The following SGSM1 variants were observed in gnomAD, a reference collection of about 807,000 sequenced individuals.
SGSM1 encodes small G protein signaling modulator 1.
Under a neutral mutation model 133.8 loss-of-function variants are expected in SGSM1, and 73 were observed. That is an observed-to-expected ratio of 0.55 (90% CI 0.45 to 0.66). The LOEUF is 0.66. Among genes scored for constraint, SGSM1 ranks in the 30% least tolerant of loss-of-function variants. The pLI is 0.00. For synonymous variants in SGSM1, 563 were observed against 573.0 expected, an observed-to-expected ratio of 0.98 and a Z score of 0.25; for missense variants, 1,213 against 1,448.1, an observed-to-expected ratio of 0.84 and a Z score of 2.64.
At chr22:24,849,994 G>T (rs575453389) in intron 4 of SGSM1, among the ~76,000 whole-genome samples, 1 of 152,292 alleles carries the variant, frequency 6.6e-6, no homozygotes, top group South Asian at 2.1e-4. Flanking sequence ...TATACTCCAA[G>T]ACTCTTCTTG....
intron 22 of SGSM1, among the ~76,000 whole-genome samples, chr22:24,913,190 G>C (rs1305224148): frequency 2.0e-5 from 3 of 151,684 alleles, no homozygotes; most frequent in African/African-American, 7.3e-5. Context: ...CTACTCTGGA[G>C]GCTGAGGCAG....
At chr22:24,878,383 C>T (rs9917615) in intron 13 of SGSM1, among the ~76,000 whole-genome samples, 12,562 of 152,142 alleles carry the variant, frequency 0.083, 1,142 homozygotes, top group African/African-American at 0.23. Context: ...AAGTCTACAG[C>T]GGGAAAGCTG....
intron 19 of SGSM1, 150 bp downstream of exon 19, chr22:24,898,709 A>G: frequency 1.3e-6 from 1 of 760,458 alleles, no homozygotes; most frequent in South Asian, 2.0e-5. Flanking sequence ...GTAGAAACCC[A>G]TTTGGGAGAG....
At chr22:24,822,323 A>G (rs1234334146) in intron 2 of SGSM1, among the ~76,000 whole-genome samples, 3 of 151,392 alleles carry the variant, frequency 2.0e-5, no homozygotes, top group Non-Finnish European at 4.4e-5. Context: ...CGATCTCCTG[A>G]CCTCCTGATC....
At chr22:24,808,922 C>A (rs1927574034) in intron 2 of SGSM1, among the ~76,000 whole-genome samples, 1 of 151,352 alleles carries the variant, frequency 6.6e-6, no homozygotes, top group Non-Finnish European at 1.5e-5. Context: ...CCCTCCCATC[C>A]CACAAACATG....
intron 2 of SGSM1, among the ~76,000 whole-genome samples, chr22:24,808,162 A>G (rs1927526535): frequency 7.0e-6 from 1 of 142,896 alleles, no homozygotes; most frequent in Non-Finnish European, 1.5e-5. Context: ...TGCCCAGGAT[A>G]GAGTACAGTG....
At chr22:24,831,089 C>T (rs1183405323) in intron 2 of SGSM1, among the ~76,000 whole-genome samples, 4 of 152,020 alleles carry the variant, frequency 2.6e-5, no homozygotes, top group African/African-American at 7.2e-5. Flanking sequence ...TTGGCCCAGA[C>T]GGGTTCACGC....
At chr22:24,823,053 G>A (rs180906506) in intron 2 of SGSM1, among the ~76,000 whole-genome samples, 1 of 152,280 alleles carries the variant, frequency 6.6e-6, no homozygotes, top group African/African-American at 2.4e-5. Flanking sequence ...GACAGTCCTG[G>A]ATTTGAATCT....
chr22:24,922,957 GTC>G (rs1934065870), intron 24 of SGSM1, among the ~76,000 whole-genome samples: 1 of 152,126 alleles, frequency 6.6e-6, no homozygotes, highest in South Asian at 2.1e-4. Context: ...GCAAAACTTT[GTC>G]TCTACTAAAA....
chr22:24,867,269 C>G, intron 10 of SGSM1, 109 bp downstream of exon 10: 1 of 1,047,324 alleles, frequency 9.5e-7, no homozygotes, highest in Non-Finnish European at 1.4e-6. Flanking sequence ...GGTGGACACC[C>G]CATGTTACCT....
Position 24,845,940 on chromosome 22 carries a change from C to CT in SGSM1, c.139+972dup, listed in dbSNP as rs1198206756. ...TTGGGCAAGATCTTTCTTTTCTTTT[C>CT]TTTTCTTTCTTTCTTTCTTTCTTTC... is the stretch of plus-strand genomic sequence containing the variant. On this transcript the variant is annotated intron_variant, in intron 3 of 24. Transcript: ENST00000400358. Among the ~76,000 whole-genome samples, 80 of 130,806 alleles carry CT rather than the reference C, an allele frequency of 6.1e-4. 1 individual carries two copies. The highest frequency in any genetic ancestry group is 1.5e-3 in the African/African-American group (51 of 33,796). The allele number at this position is 130,806 out of a possible 152,430, so 85.8% of individuals were successfully genotyped here.
chr22:24,867,829 G>T (rs1931540979), intron 10 of SGSM1, among the ~76,000 whole-genome samples: 1 of 152,194 alleles, frequency 6.6e-6, no homozygotes, highest in Non-Finnish European at 1.5e-5. Flanking sequence ...CCATTGATCA[G>T]CTGTGTGACC....
At chr22:24,824,549 T>G (rs1257011071) in intron 2 of SGSM1, among the ~76,000 whole-genome samples, 1 of 152,006 alleles carries the variant, frequency 6.6e-6, no homozygotes, top group Non-Finnish European at 1.5e-5. Flanking sequence ...CTCACCCTAA[T>G]AGATTTAAAA....
rs57461995 is a variant in SGSM1 at position 24,819,003 on chromosome 22, C to T, written c.63+12519C>T. 3.3e-5 allele frequency among the ~76,000 whole-genome samples: 5 copies of T among 151,490 alleles called. No individual in the cohort carries two copies. In the South Asian group the frequency reaches 1.0e-3, roughly 32 times the overall value. On this transcript the variant is annotated intron_variant, in intron 2 of 24. Coordinates refer to ENST00000400358, the MANE Select transcript of SGSM1 (RefSeq NM_001098497.3). ...CTACTAAAAATACAAAAAATTAGCT[C>T]GGTGTGGCGGTGTGTGCCTGTAGTC...
intron 12 of SGSM1, among the ~76,000 whole-genome samples, chr22:24,870,528 A>C (rs1216774649): frequency 2.0e-5 from 3 of 152,196 alleles, no homozygotes; most frequent in Non-Finnish European, 2.9e-5. Flanking sequence ...TCTCTATGTC[A>C]TCCTCCTGTG....
intron 16 of SGSM1, 80 bp downstream of exon 16, chr22:24,886,808 A>T: frequency 6.9e-7 from 1 of 1,456,646 alleles, no homozygotes; most frequent in Non-Finnish European, 9.2e-7. Flanking sequence ...TGCTGGTTCC[A>T]CGCTGGACCA....
chr22:24,915,773 C>G (rs765468598), intron 22 of SGSM1, among the ~76,000 whole-genome samples: 1 of 152,076 alleles, frequency 6.6e-6, no homozygotes, highest in African/African-American at 2.4e-5. Context: ...CCCTGCTGTG[C>G]GATCAAATAG....
chr22:24,908,817 A>AG (rs1345642682), intron 21 of SGSM1, among the ~76,000 whole-genome samples: 1 of 151,754 alleles, frequency 6.6e-6, no homozygotes, highest in Admixed American at 6.6e-5. Flanking sequence ...AAAAAAAAGA[A>AG]AGAAAGACAA....
chr22:24,860,911 AAAAAAAAAAAAATAT>A lies in SGSM1; in HGVS notation c.926+1073_926+1087del, dbSNP rs1338003913. Among the ~76,000 whole-genome samples the A allele has an allele frequency of 1.5e-3, 174 of 114,150 alleles. 1 individual carries two copies. Among genetic ancestry groups the A allele is most frequent in the African/African-American group, 6.4e-3 (162 of 25,208 alleles). The allele number at this position is 114,150 out of a possible 152,430, so 74.9% of individuals were successfully genotyped here. ...CGAGACTGTCTTAAAAAAAAAAAAA[AAAAAAAAAAAAATAT>A]ATATATATATATATATATATATAAT... On this transcript the variant is annotated intron_variant, in intron 9 of 24. Transcript: ENST00000400358.
Sources: gnomAD v4.1 joint callset for allele counts (sites outside exome capture counted in the v4.1 genomes callset) on GRCh38, gnomAD v4.1.1 for gene constraint, MANE v1.5 for transcripts, NCBI Gene and HGNC (gene_info 2026-07-23, HGNC 2026-07-21) for gene names.